NBR1: variants seen among roughly 807,000 people sequenced by gnomAD.
NBR1 encodes next to BRCA1 gene 1 protein.
In NBR1, 59 loss-of-function variants were observed where a neutral mutation model predicts 115.5. The ratio of observed to expected loss-of-function variants is 0.51; its 90% CI spans 0.41 to 0.63. NBR1 has a LOEUF of 0.63. Ranked by LOEUF, NBR1 falls within the 30% of genes least tolerant of loss-of-function variation. The pLI is 0.00. For missense variants in NBR1, 1,043 were observed against 1,150.5 expected, an observed-to-expected ratio of 0.91 and a Z score of 1.35; for synonymous variants, 373 against 414.7, an observed-to-expected ratio of 0.90 and a Z score of 1.22.
At chr17:43,185,983 A>G (rs1253727818) in intron 5 of NBR1, among the ~76,000 whole-genome samples, 1 of 151,612 alleles carries the variant, frequency 6.6e-6, no homozygotes, top group Admixed American at 6.6e-5. Flanking sequence ...CCTGGGCAAC[A>G]AGAGCAAAAC....
At chr17:43,187,087 A>C (rs2056821076) in intron 6 of NBR1, among the ~76,000 whole-genome samples, 1 of 152,208 alleles carries the variant, frequency 6.6e-6, no homozygotes, top group South Asian at 2.1e-4. Flanking sequence ...TCCCTGAGGA[A>C]TCGCCACACT....
At chr17:43,204,113 A>AT (rs1200375815) in intron 20 of NBR1, among the ~76,000 whole-genome samples, 1 of 151,560 alleles carries the variant, frequency 6.6e-6, no homozygotes, top group South Asian at 2.1e-4. Flanking sequence ...AATTTTTTGT[A>AT]TTTTTTAGTA....
chr17:43,181,825 A>G (rs1012929073), intron 5 of NBR1, among the ~76,000 whole-genome samples: 3 of 151,818 alleles, frequency 2.0e-5, no homozygotes, highest in Non-Finnish European at 4.4e-5. Flanking sequence ...TCTCTACTAA[A>G]TACAAAAAAT....
intron 1 of NBR1, among the ~76,000 whole-genome samples, chr17:43,175,137 G>A (rs1280142845): frequency 6.6e-6 from 1 of 152,050 alleles, no homozygotes; most frequent in Non-Finnish European, 1.5e-5. Context: ...TAAAAAATCA[G>A]TAGATTGTGA....
chr17:43,192,106 T>C (rs1041859686), intron 10 of NBR1, among the ~76,000 whole-genome samples: 2 of 140,254 alleles, frequency 1.4e-5, no homozygotes, highest in Admixed American at 7.5e-5. Flanking sequence ...CTGCAACCTC[T>C]GCCTCCCGGG....
chr17:43,205,162 T>G (rs910785031), intron 20 of NBR1, among the ~76,000 whole-genome samples: 4 of 152,062 alleles, frequency 2.6e-5, no homozygotes, highest in African/African-American at 9.7e-5. Flanking sequence ...GAGACCATCC[T>G]GGCCAACATG....
At chr17:43,200,103 G>A (rs2057161052) in intron 16 of NBR1, 64 bp from the exon 17 acceptor site, 3 of 1,297,638 alleles carry the variant, frequency 2.3e-6, no homozygotes, top group African/African-American at 1.5e-5. Context: ...GCTTTACCAA[G>A]TAAGGATAGT....
chr17:43,185,762 C>T (rs1238019986), intron 5 of NBR1, among the ~76,000 whole-genome samples: 2 of 151,978 alleles, frequency 1.3e-5, no homozygotes, highest in South Asian at 2.1e-4. Flanking sequence ...TTTGGGAGGG[C>T]GAGGTGGGTG....
chr17:43,177,099 C>T (rs546482099), intron 2 of NBR1, among the ~76,000 whole-genome samples: 1 of 151,902 alleles, frequency 6.6e-6, no homozygotes, highest in East Asian at 1.9e-4. Context: ...GGTAAAACCC[C>T]ATCTCTACCA....
rs576646968 is a variant in NBR1, at chr17:43,197,869, AGGCCG to A, written c.2026+767_2026+771del. 3.3e-5 allele frequency among the ~76,000 whole-genome samples: 5 copies of A among 152,330 alleles called. No individual in the cohort carries two copies. In the South Asian group the frequency reaches 1.0e-3, roughly 32 times the overall value. Reference sequence around the variant, plus strand: ...ATTCTGCTGTAATAAATACCTTTATAGGCCGGGCACAGTGGCTCACCCTTGTAATC... The same window carrying A: ...ATTCTGCTGTAATAAATACCTTTATAGGCACAGTGGCTCACCCTTGTAATC... On this transcript the variant is annotated intron_variant, in intron 16 of 20. Coordinates refer to ENST00000590996, the MANE Select transcript of NBR1 (RefSeq NM_005899.5).
At chr17:43,183,566 A>G (rs2056728250) in intron 5 of NBR1, among the ~76,000 whole-genome samples, 1 of 151,918 alleles carries the variant, frequency 6.6e-6, no homozygotes. Flanking sequence ...TGGTGCAATT[A>G]TGGCTTACTG....
In NBR1 at chr17:43,189,564, C is replaced by G. The variant is rs768816917; in HGVS notation, c.481-24C>G. ...TCTGATATTGGAACTGAGTTTTTTCCCTACCTTCTGCTCCATATTCTAGTT... is the reference window on the plus strand; with the variant it reads ...TCTGATATTGGAACTGAGTTTTTTCGCTACCTTCTGCTCCATATTCTAGTT... On this transcript the variant is annotated intron_variant, in intron 7 of 20. Transcript: ENST00000590996. The G allele has an allele frequency of 3.2e-6, 5 of 1,580,170 alleles. No individual in the cohort carries two copies. The East Asian group carries it at 1.1e-4, about 35-fold the overall frequency.
At chr17:43,196,842 AG>A (rs2057079193) in intron 15 of NBR1, 99 bp from the exon 16 acceptor site, 1 of 1,322,090 alleles carries the variant, frequency 7.6e-7, no homozygotes, top group Non-Finnish European at 1.1e-6. Context: ...AAGTTTAGAT[AG>A]CAGCTATTCC....
chr17:43,191,655 G>A (rs1019967364), intron 10 of NBR1, 74 bp downstream of exon 10: 13 of 978,340 alleles, frequency 1.3e-5, no homozygotes, highest in Middle Eastern at 2.6e-4. Flanking sequence ...ACCAATTTCC[G>A]TCTTATTTAT....
At chr17:43,178,188 T>A in intron 3 of NBR1, 190 bp downstream of exon 3, 1 of 589,816 alleles carries the variant, frequency 1.7e-6, no homozygotes, top group Non-Finnish European at 2.8e-6. Context: ...GAAGCAACAC[T>A]GAAGAATATC....
chr17:43,208,768 C>A (rs1447358248), intron 20 of NBR1, among the ~76,000 whole-genome samples: 1 of 152,136 alleles, frequency 6.6e-6, no homozygotes, highest in Non-Finnish European at 1.5e-5. Context: ...AAGTTCAAGA[C>A]CAGCCTGGGC....
At chr17:43,181,588 C>CT (rs2056665745) in intron 5 of NBR1, among the ~76,000 whole-genome samples, 1 of 152,110 alleles carries the variant, frequency 6.6e-6, no homozygotes, top group Admixed American at 6.5e-5. Context: ...ATGGCGTGAA[C>CT]CCCGGAGGCG....
In NBR1 at chr17:43,175,838, T is replaced by C. The variant is rs769677779; in HGVS notation, c.39T>C (p.Asn13=). ...TTACTCTAAATGTGACTTTTAAAAA[T>C]GAAATTCAAAGCTTTCTGGTTTCTG... The part of the protein sequence containing the change: ...PQVTLNVTFK[N]EIQSFLVSDP... The change falls in exon 2 of 21, where the codon AAT becomes AAC. Residue 13 remains asparagine (N), a synonymous_variant. Coordinates refer to ENST00000590996, the MANE Select transcript of NBR1 (RefSeq NM_005899.5). The C allele has an allele frequency of 6.2e-7, 1 of 1,605,974 alleles. No individual in the cohort carries two copies. Among genetic ancestry groups the C allele is most frequent in the Non-Finnish European group, 8.5e-7 (1 of 1,174,988 alleles).
chr17:43,172,512 A>T (rs1179382967), intron 1 of NBR1, among the ~76,000 whole-genome samples: 1 of 152,174 alleles, frequency 6.6e-6, no homozygotes, highest in Admixed American at 6.5e-5. Flanking sequence ...GGACTGAGTC[A>T]CTTCATTTCC....
Sources: gnomAD v4.1 joint callset for allele counts (sites outside exome capture counted in the v4.1 genomes callset) on GRCh38, gnomAD v4.1.1 for gene constraint, MANE v1.5 for transcripts, NCBI Gene and HGNC (gene_info 2026-07-23, HGNC 2026-07-21) for gene names.